The following ZW10 variants were observed in gnomAD, a reference collection of about 807,000 sequenced individuals.
ZW10 encodes centromere/kinetochore protein zw10 homolog.
Under a neutral mutation model 87.8 loss-of-function variants are expected in ZW10, and 53 were observed. The observed-to-expected ratio is 0.60, with a 90% CI of 0.48 to 0.76. The LOEUF is 0.76. Among genes scored for constraint, ZW10 ranks in the 30% least tolerant of loss-of-function variants. The pLI, the probability that ZW10 is intolerant of heterozygous loss-of-function variation, is 0.00. For missense variants in ZW10, 837 were observed against 923.0 expected, an observed-to-expected ratio of 0.91 and a Z score of 1.21; for synonymous variants, 312 against 329.2, an observed-to-expected ratio of 0.95 and a Z score of 0.57.
rs891775652 is a variant in ZW10, at chr11:113,757,919, C to A, written c.734-66G>T. On this transcript the variant is annotated intron_variant, in intron 6 of 15. Coordinates refer to ENST00000200135, the MANE Select transcript of ZW10 (RefSeq NM_004724.4). ...GACACTTCTAGGCCAGGCACAGTGG[C>A]TTACATCTGTAATCCCAGCACTTTG... 3 of 1,340,900 alleles carry A rather than the reference C, an allele frequency of 2.2e-6. No homozygotes were observed. The African/African-American group carries it at 4.5e-5, about 20-fold the overall frequency. The allele number at this position is 1,340,900 out of a possible 1,614,324, so 83.1% of individuals were successfully genotyped here.
intron 2 of ZW10, among the ~76,000 whole-genome samples, chr11:113,764,387 T>A (rs931872447): frequency 1.3e-5 from 2 of 152,188 alleles, no homozygotes; most frequent in Non-Finnish European, 2.9e-5. Flanking sequence ...TTTTTCTAAT[T>A]CTGTGAGGAA....
At chr11:113,749,571 T>C (rs927354036) in intron 7 of ZW10, among the ~76,000 whole-genome samples, 11 of 152,222 alleles carry the variant, frequency 7.2e-5, no homozygotes, top group South Asian at 2.1e-4. Context: ...ATAAACTCTA[T>C]GAATTGTACC....
chr11:113,757,809 G>A lies in ZW10; in HGVS notation c.778C>T (p.Pro260Ser). ...CTTTCTATCACAGCATGAAGGGATG[G>A]GCAAGATGCCAGCGGCCTAAGGATA... ...KYILRPLASC[P>S]SLHAVIESQP... is the part of the protein sequence containing the mutation. The change falls in exon 7 of 16, where the codon CCA becomes TCA. Residue 260 changes from proline to serine, a missense_variant. By Grantham distance (74) the Pro-to-Ser change is moderately conservative. Coordinates refer to ENST00000200135, the MANE Select transcript of ZW10 (RefSeq NM_004724.4). 2 of 1,612,670 alleles carry A rather than the reference G, an allele frequency of 1.2e-6. No homozygotes were observed. The highest frequency in any genetic ancestry group is 1.3e-5 in the African/African-American group (1 of 74,948).
At position 113,758,721 on chromosome 11, in the gene ZW10, G is replaced by A; in HGVS notation, c.581-15C>T. ...ACTGCTGGTATCTAAGAAAAAGGAA[G>A]AAAAATATCAGCTGTCTCACCAATA... On this transcript the variant is annotated splice_polypyrimidine_tract_variant and intron_variant, in intron 5 of 15. Coordinates refer to ENST00000200135, the MANE Select transcript of ZW10 (RefSeq NM_004724.4). 1 of 1,613,048 alleles carries A rather than the reference G, an allele frequency of 6.2e-7. No homozygotes were observed. Among genetic ancestry groups the A allele is most frequent in the Non-Finnish European group, 8.5e-7 (1 of 1,179,444 alleles).
At chr11:113,748,180 A>T (rs1953699944) in intron 8 of ZW10, 77 bp downstream of exon 8, 1 of 1,366,848 alleles carries the variant, frequency 7.3e-7, no homozygotes, top group Non-Finnish European at 9.8e-7. Context: ...AGAACAAACT[A>T]TCTCCAAGGA....
chr11:113,746,191 G>C (rs1036543066), intron 9 of ZW10, among the ~76,000 whole-genome samples: 2 of 151,946 alleles, frequency 1.3e-5, no homozygotes, highest in African/African-American at 2.4e-5. Context: ...ATTAGGATTT[G>C]AGTACTCAGA....
At chr11:113,747,736 G>A in intron 8 of ZW10, 23 bp from the exon 9 acceptor site, 1 of 1,552,910 alleles carries the variant, frequency 6.4e-7, no homozygotes. Flanking sequence ...AGAAAAAAAA[G>A]AAAAGAATCA....
Position 113,733,655 on chromosome 11 carries a change from T to A in ZW10, c.*39A>T, listed in dbSNP as rs1223061447. The stretch of plus-strand genomic sequence containing the variant: ...GGGAGTAATTATGCCAAGGGAAGAA[T>A]CCACATATTCAAGACATAGCTTTCT... On this transcript the variant is annotated 3_prime_UTR_variant, in exon 16 of 16. Transcript: ENST00000200135. The A allele has an allele frequency of 1.2e-6, 2 of 1,612,772 alleles. No individual in the cohort carries two copies. Among genetic ancestry groups the A allele is most frequent in the African/African-American group, 1.3e-5 (1 of 74,902 alleles).
chr11:113,746,513 A>C (rs575868709), intron 9 of ZW10, among the ~76,000 whole-genome samples: 120 of 129,780 alleles, frequency 9.2e-4, no homozygotes, highest in African/African-American at 1.6e-3. Flanking sequence ...AAAAAAAAAA[A>C]AACAACAACA....
At chr11:113,759,652 T>G (rs1953835740) in intron 5 of ZW10, among the ~76,000 whole-genome samples, 1 of 152,086 alleles carries the variant, frequency 6.6e-6, no homozygotes, top group Non-Finnish European at 1.5e-5. Flanking sequence ...GTAGCATAAA[T>G]CAAAGCCAGG....
intron 11 of ZW10, among the ~76,000 whole-genome samples, chr11:113,740,204 A>C (rs1447651504): frequency 6.6e-6 from 1 of 150,910 alleles, no homozygotes; most frequent in Non-Finnish European, 1.5e-5. Context: ...AGAAAAAAAC[A>C]CACCTGGGCC....
chr11:113,745,612 T>A (rs1488784751), intron 9 of ZW10, among the ~76,000 whole-genome samples: 5 of 152,192 alleles, frequency 3.3e-5, no homozygotes, highest in Admixed American at 3.3e-4. Context: ...AAAATGCTAA[T>A]CTTTGTCTGA....
At chr11:113,738,770 C>A (rs1159811452) in intron 12 of ZW10, among the ~76,000 whole-genome samples, 2 of 152,074 alleles carry the variant, frequency 1.3e-5, no homozygotes, top group Non-Finnish European at 2.9e-5. Context: ...TGATTTACTC[C>A]ACATTTCATT....
At chr11:113,763,437 A>C (rs1953882575) in intron 2 of ZW10, among the ~76,000 whole-genome samples, 2 of 152,208 alleles carry the variant, frequency 1.3e-5, no homozygotes, top group South Asian at 4.1e-4. Context: ...TTGAGGAATC[A>C]CCATACTGTC....
intron 1 of ZW10, among the ~76,000 whole-genome samples, chr11:113,772,979 AAGATAGAT>A (rs772987137): frequency 6.6e-6 from 1 of 151,890 alleles, no homozygotes; most frequent in South Asian, 2.1e-4. Flanking sequence ...TCCATCTCAA[AAGATAGAT>A]AGATACATAA....
At chr11:113,771,903 G>T (rs967510536) in intron 1 of ZW10, among the ~76,000 whole-genome samples, 1 of 152,100 alleles carries the variant, frequency 6.6e-6, no homozygotes, top group African/African-American at 2.4e-5. Flanking sequence ...AATTATGCTT[G>T]CCCTCAAATT....
At chr11:113,748,185 C>A (rs1457773597) in intron 8 of ZW10, 72 bp downstream of exon 8, 4 of 1,402,208 alleles carry the variant, frequency 2.9e-6, no homozygotes, top group Non-Finnish European at 3.8e-6. Context: ...AAACTATCTC[C>A]AAGGAAAAAC....
At chr11:113,747,132 C>G (rs1953686584) in intron 9 of ZW10, among the ~76,000 whole-genome samples, 1 of 152,046 alleles carries the variant, frequency 6.6e-6, no homozygotes, top group Admixed American at 6.6e-5. Context: ...ACTAGTCTCT[C>G]TATTAGATGA....
chr11:113,768,879 T>G lies in ZW10; in HGVS notation c.194A>C (p.Lys65Thr). Residue 65 changes from lysine (K) to threonine (T), a missense_variant, in exon 2 of 16, where the codon AAG becomes ACG. By Grantham distance (78) the Lys-to-Thr change is moderately conservative. Transcript: ENST00000200135. ...CAGCAGGTCAATGTCTTCAGATAGCTTATCCACCTGGGTAATCAGGCCCTG... is the reference window on the plus strand; with the variant it reads ...CAGCAGGTCAATGTCTTCAGATAGCGTATCCACCTGGGTAATCAGGCCCTG... ...SAQGLITQVD[K>T]LSEDIDLLKS... 1 of 1,614,184 alleles carries G rather than the reference T, an allele frequency of 6.2e-7. No individual in the cohort carries two copies. The highest frequency in any genetic ancestry group is 1.1e-5 in the South Asian group (1 of 91,084).
Sources: gnomAD v4.1 joint callset for allele counts (sites outside exome capture counted in the v4.1 genomes callset) on GRCh38, gnomAD v4.1.1 for gene constraint, MANE v1.5 for transcripts, NCBI Gene and HGNC (gene_info 2026-07-23, HGNC 2026-07-21) for gene names.